Variants in RAPGEF5 observed in about 807,000 individuals in gnomAD.
The protein encoded by RAPGEF5 is M-Ras-regulated GEF.
RAPGEF5 carries 65 observed loss-of-function variants against 125.2 expected under a neutral mutation model. That is an observed-to-expected ratio of 0.52 (90% CI 0.43 to 0.64). The LOEUF (loss-of-function observed/expected upper bound fraction) is 0.64, where lower values mean the gene tolerates loss of function less well. Among genes scored for constraint, RAPGEF5 ranks in the 30% least tolerant of loss-of-function variants. The pLI, the probability that RAPGEF5 is intolerant of heterozygous loss-of-function variation, is 0.00. For missense variants in RAPGEF5, 958 were observed against 1,048.1 expected (o/e 0.91, Z 1.19); for synonymous variants, 391 against 385.9 (o/e 1.01, Z -0.16).
At position 22,154,551 on chromosome 7, in the gene RAPGEF5, CTT is replaced by C. The variant is rs781712629; in HGVS notation, c.1688_1689del (p.Lys563SerfsTer36). 1 of 1,613,876 alleles carries C rather than the reference CTT, an allele frequency of 6.2e-7. No individual in the cohort carries two copies. The highest frequency in any genetic ancestry group is 1.7e-5 in the Admixed American group (1 of 60,002). On this transcript the variant is annotated frameshift_variant, in exon 17 of 26. Transcript: ENST00000665637. LOFTEE classifies it high-confidence loss of function. Reference protein sequence around the residue: ...TEHSYVSVKAKVSSIAQEILK... With the variant: ...TEHSYVSVKAXVSSIAQEILK... The stretch of plus-strand genomic sequence containing the variant: ...AGGATCTCTTGGGCTATACTGGAAA[CTT>C]TTGCCTTCACACTGACATAGGAGTG...
chr7:22,147,114 A>G (rs1783465978), intron 18 of RAPGEF5, 95 bp from the exon 19 acceptor site: 1 of 1,450,238 alleles, frequency 6.9e-7, no homozygotes, highest in African/African-American at 1.4e-5. Flanking sequence ...TCAGATTAGC[A>G]AAGTAATCTT....
intron 6 of RAPGEF5, among the ~76,000 whole-genome samples, chr7:22,276,806 A>T (rs148330069): frequency 1.5e-3 from 229 of 152,322 alleles, no homozygotes; most frequent in Middle Eastern, 0.01. Context: ...TAGACGAATT[A>T]ACATGTATAA....
rs1320282218 is a variant in RAPGEF5 at position 22,180,753 on chromosome 7, G to T, written c.1204+12614C>A. ...TTTCTCAATTATCAAAAGTAGGAAA[G>T]GTACATTCAAGGAGTGTTAAGAATA... is the stretch of plus-strand genomic sequence containing the variant. On this transcript the variant is annotated intron_variant, in intron 11 of 25. Coordinates refer to ENST00000665637, the MANE Select transcript of RAPGEF5 (RefSeq NM_012294.5). Among the ~76,000 whole-genome samples the T allele has an allele frequency of 2.0e-5, 3 of 152,074 alleles. 1 individual carries two copies. Among genetic ancestry groups the T allele is most frequent in the Admixed American group, 1.3e-4 (2 of 15,262 alleles).
chr7:22,355,582 A>C (rs1254245386), intron 1 of RAPGEF5, among the ~76,000 whole-genome samples: 1 of 152,174 alleles, frequency 6.6e-6, no homozygotes, highest in Non-Finnish European at 1.5e-5. Flanking sequence ...GGCAATTCCT[A>C]AACTCTCTGG....
At chr7:22,161,441 G>C (rs1783993573) in intron 13 of RAPGEF5, among the ~76,000 whole-genome samples, 1 of 151,792 alleles carries the variant, frequency 6.6e-6, no homozygotes, top group Non-Finnish European at 1.5e-5. Context: ...GGAGGGTGAA[G>C]TGCAAGGATC....
At chr7:22,240,143 G>A (rs2128136021) in intron 7 of RAPGEF5, among the ~76,000 whole-genome samples, 1 of 148,796 alleles carries the variant, frequency 6.7e-6, no homozygotes, top group East Asian at 2.0e-4. Context: ...CTGGGAAGCA[G>A]AGGTTGCAGT....
rs184986606 is a variant in RAPGEF5, at chr7:22,162,910, A to G, written c.1284-369T>C. ...CACTACACAGGTGAATACTATTTCAATACATTTTAGGTCAGAATGAGGCCA... is the reference window on the plus strand; with the variant it reads ...CACTACACAGGTGAATACTATTTCAGTACATTTTAGGTCAGAATGAGGCCA... On this transcript the variant is annotated intron_variant, in intron 12 of 25. Transcript: ENST00000665637. 10 of 461,934 alleles carry G rather than the reference A, an allele frequency of 2.2e-5. No individual in the cohort carries two copies. In the Admixed American group the frequency reaches 2.3e-4, roughly 11 times the overall value. The allele number at this position is 461,934 out of a possible 1,614,324, so 28.6% of individuals were successfully genotyped here. A position where few individuals can be genotyped will look rare whatever the true frequency, so the allele number is the denominator to read the frequency against.
At chr7:22,332,098 A>G (rs1487129066) in intron 1 of RAPGEF5, among the ~76,000 whole-genome samples, 1 of 152,196 alleles carries the variant, frequency 6.6e-6, no homozygotes, top group Non-Finnish European at 1.5e-5. Context: ...TCTTATGTGT[A>G]TTTTATGACA....
chr7:22,203,223 G>A (rs1017918345), intron 9 of RAPGEF5, among the ~76,000 whole-genome samples: 3 of 152,112 alleles, frequency 2.0e-5, no homozygotes, highest in African/African-American at 7.2e-5. Flanking sequence ...GCCAGAGGAG[G>A]GCTAGGGATG....
intron 7 of RAPGEF5, among the ~76,000 whole-genome samples, chr7:22,249,338 C>T (rs1446430470): frequency 6.6e-6 from 1 of 152,026 alleles, no homozygotes; most frequent in Admixed American, 6.6e-5. Context: ...AGGCATGCAC[C>T]ATCATGCTTG....
chr7:22,311,771 C>G (rs1372044182), intron 3 of RAPGEF5, among the ~76,000 whole-genome samples: 2 of 152,064 alleles, frequency 1.3e-5, no homozygotes, highest in Non-Finnish European at 2.9e-5. Flanking sequence ...GCAATTAGAC[C>G]AAACAGTCAA....
intron 7 of RAPGEF5, among the ~76,000 whole-genome samples, chr7:22,248,836 A>G (rs1786546258): frequency 6.6e-6 from 1 of 152,204 alleles, no homozygotes; most frequent in Non-Finnish European, 1.5e-5. Context: ...AACCTATAAA[A>G]GTAAGATGGC....
chr7:22,146,038 G>C (rs1476307092), intron 19 of RAPGEF5, among the ~76,000 whole-genome samples: 1 of 151,882 alleles, frequency 6.6e-6, no homozygotes, highest in Non-Finnish European at 1.5e-5. Flanking sequence ...TGCATAAGCA[G>C]GGATATATCC....
At chr7:22,195,933 T>C (rs1359878158) in intron 9 of RAPGEF5, among the ~76,000 whole-genome samples, 1 of 152,182 alleles carries the variant, frequency 6.6e-6, no homozygotes, top group Admixed American at 6.5e-5. Flanking sequence ...GCATGTGATA[T>C]ATGGCATTAT....
chr7:22,262,356 G>A (rs755362790), intron 7 of RAPGEF5, among the ~76,000 whole-genome samples: 12 of 151,978 alleles, frequency 7.9e-5, no homozygotes, highest in Admixed American at 7.2e-4. Context: ...TAAAAATGAC[G>A]AAAAGGTATC....
intron 11 of RAPGEF5, among the ~76,000 whole-genome samples, chr7:22,183,661 G>A (rs140055190): frequency 7.9e-5 from 12 of 152,262 alleles, no homozygotes; most frequent in African/African-American, 2.6e-4. Context: ...CAGGAAAACC[G>A]GGGTTCAGGG....
chr7:22,157,955 G>A (rs1783865457), intron 14 of RAPGEF5, 70 bp from the exon 15 acceptor site: 5 of 1,462,686 alleles, frequency 3.4e-6, no homozygotes, highest in South Asian at 2.4e-5. Context: ...TGTTACGGAA[G>A]ACTAATTTTC....
chr7:22,326,724 T>C (rs1783820930), intron 1 of RAPGEF5, among the ~76,000 whole-genome samples: 1 of 152,162 alleles, frequency 6.6e-6, no homozygotes, highest in African/African-American at 2.4e-5. Context: ...TGTTTTGGCC[T>C]AAGATTAAAA....
intron 1 of RAPGEF5, 116 bp downstream of exon 1, chr7:22,356,714 G>T (rs1784427367): frequency 4.2e-6 from 2 of 473,278 alleles, no homozygotes; most frequent in Non-Finnish European, 5.7e-6. Context: ...CGGCAGAAGG[G>T]CGTCCCTTCC....
Sources: gnomAD v4.1 joint callset for allele counts (sites outside exome capture counted in the v4.1 genomes callset) on GRCh38, gnomAD v4.1.1 for gene constraint, MANE v1.5 for transcripts, NCBI Gene and HGNC (gene_info 2026-07-23, HGNC 2026-07-21) for gene names.